Variants in TNFAIP8 observed in about 807,000 individuals in gnomAD.
TNFAIP8 encodes tumor necrosis factor alpha-induced protein 8.
Under a neutral mutation model 13.3 loss-of-function variants are expected in TNFAIP8, and 7 were observed. The observed-to-expected ratio is 0.52, with a 90% CI of 0.30 to 0.99. The LOEUF (loss-of-function observed/expected upper bound fraction) is 0.99, where lower values mean the gene tolerates loss of function less well. TNFAIP8 is among the 50% of genes least tolerant of loss of function. TNFAIP8 has a pLI of 0.07. For missense variants in TNFAIP8, 258 were observed against 236.9 expected (o/e 1.09, Z -0.58); for synonymous variants, 94 against 87.6 (o/e 1.07, Z -0.41).
At chr5:119,326,826 A>G (rs760910310) in intron 1 of TNFAIP8, among the ~76,000 whole-genome samples, 1 of 152,136 alleles carries the variant, frequency 6.6e-6, no homozygotes, top group Non-Finnish European at 1.5e-5. Context: ...TGAGCCAGAG[A>G]GTTTTAGTTT....
rs1217126967 is a variant in TNFAIP8, at chr5:119,399,275, A to C, written c.*5894A>C. 1.3e-5 allele frequency: 2 copies of C among 152,178 alleles called. No individual in the cohort carries two copies. Among genetic ancestry groups the C allele is most frequent in the Non-Finnish European group, 2.9e-5 (2 of 68,040 alleles). 9.4% of individuals were successfully genotyped at this position (152,178 alleles called of 1,614,324 possible). A position where few individuals can be genotyped will look rare whatever the true frequency, so the allele number is the denominator to read the frequency against. ...GCAGGGTACAGAGGGCATTTGTGGG[A>C]GCAGTTAGGAAACCAGGACGTCCAG... On this transcript the variant is annotated 3_prime_UTR_variant, in exon 2 of 2. Coordinates refer to ENST00000504771, the MANE Select transcript of TNFAIP8 (RefSeq NM_014350.4).
At chr5:119,363,535 C>T (rs1751710367) in intron 1 of TNFAIP8, among the ~76,000 whole-genome samples, 1 of 152,182 alleles carries the variant, frequency 6.6e-6, no homozygotes, top group Non-Finnish European at 1.5e-5. Flanking sequence ...AGGCCTCTTC[C>T]TGTGGCATCA....
intron 1 of TNFAIP8, among the ~76,000 whole-genome samples, chr5:119,350,765 AGG>A (rs1489599852): frequency 6.6e-6 from 1 of 152,154 alleles, no homozygotes; most frequent in Non-Finnish European, 1.5e-5. Flanking sequence ...GGGCAGACTG[AGG>A]AGAGGGATTA....
intron 1 of TNFAIP8, chr5:119,333,492 G>T (rs1332689071): frequency 4.8e-6 from 7 of 1,460,696 alleles, no homozygotes; most frequent in Non-Finnish European, 6.3e-6. Context: ...GAAGGACTGA[G>T]TCTCCCCGAG....
At chr5:119,343,927 CAA>C (rs1011854153) in intron 1 of TNFAIP8, among the ~76,000 whole-genome samples, 4 of 152,182 alleles carry the variant, frequency 2.6e-5, no homozygotes, top group African/African-American at 9.7e-5. Context: ...TTAATGAAAA[CAA>C]GTGTCAAAAA....
intron 1 of TNFAIP8, among the ~76,000 whole-genome samples, chr5:119,343,078 C>T (rs1056046151): frequency 6.6e-6 from 1 of 152,202 alleles, no homozygotes; most frequent in African/African-American, 2.4e-5. Context: ...ATGCCATCAA[C>T]TGAAATGGAA....
At chr5:119,374,376 A>G (rs1752201344) in intron 1 of TNFAIP8, among the ~76,000 whole-genome samples, 1 of 152,322 alleles carries the variant, frequency 6.6e-6, no homozygotes. Flanking sequence ...GAGATGCTCA[A>G]CCTGTACCGA....
chr5:119,385,132 T>G (rs1222823426), intron 1 of TNFAIP8, among the ~76,000 whole-genome samples: 1 of 152,204 alleles, frequency 6.6e-6, no homozygotes, highest in Non-Finnish European at 1.5e-5. Context: ...CTTTTCAGAT[T>G]TATAAGTCAT....
chr5:119,327,503 G>A (rs1750257959), intron 1 of TNFAIP8, among the ~76,000 whole-genome samples: 1 of 152,168 alleles, frequency 6.6e-6, no homozygotes, highest in Non-Finnish European at 1.5e-5. Flanking sequence ...CTGTTACCCA[G>A]GCTAGAGTGC....
Position 119,390,985 on chromosome 5 carries a change from A to ATTTT in TNFAIP8, c.32-1818_32-1815dup, listed in dbSNP as rs11448031. On this transcript the variant is annotated intron_variant, in intron 1 of 1. Transcript: ENST00000504771. Reference sequence around the variant, plus strand: ...AGGTGCATGCCACCACACCTGGCTAATTTTTTTTTTTTTTTTGTAGTTTTT... The same window carrying ATTTT: ...AGGTGCATGCCACCACACCTGGCTAATTTTTTTTTTTTTTTTTTTTGTAGTTTTT... Among the ~76,000 whole-genome samples, 329 of 137,526 alleles carry ATTTT rather than the reference A, an allele frequency of 2.4e-3. 2 individuals are homozygous for ATTTT. The highest frequency in any genetic ancestry group is 4.9e-3 in the Admixed American group (68 of 13,842). 90.2% of individuals were successfully genotyped at this position (137,526 alleles called of 152,430 possible).
At chr5:119,383,454 T>C (rs1026081371) in intron 1 of TNFAIP8, among the ~76,000 whole-genome samples, 18 of 152,238 alleles carry the variant, frequency 1.2e-4, no homozygotes, top group African/African-American at 4.3e-4. Flanking sequence ...CATCACTTAC[T>C]GAAGGATCCT....
chr5:119,292,643 AGCAT>A (rs1174037174), intron 1 of TNFAIP8, among the ~76,000 whole-genome samples: 22 of 48,018 alleles, frequency 4.6e-4, no homozygotes, highest in African/African-American at 1.2e-3. Context: ...TAATCAATGT[AGCAT>A]ATATATATAT....
chr5:119,325,497 G>C (rs1344810783), intron 1 of TNFAIP8, among the ~76,000 whole-genome samples: 2 of 152,138 alleles, frequency 1.3e-5, no homozygotes, highest in African/African-American at 4.8e-5. Context: ...GCCCAGGCTG[G>C]AGTGTAGTGG....
chr5:119,356,065 C>A lies in TNFAIP8; in HGVS notation c.-26C>A. On this transcript the variant is annotated 5_prime_UTR_variant, in exon 1 of 2. Transcript: ENST00000504771. ...TCCGAGTACATGTGAGCGGTAATCGCCCCTGCAGCTGGTTATCCTGACATT... is the reference window on the plus strand; with the variant it reads ...TCCGAGTACATGTGAGCGGTAATCGACCCTGCAGCTGGTTATCCTGACATT... 6.4e-7 allele frequency: 1 copy of A among 1,571,942 alleles called. No homozygotes were observed. Among genetic ancestry groups the A allele is most frequent in the African/African-American group, 1.4e-5 (1 of 73,636 alleles).
intron 1 of TNFAIP8, among the ~76,000 whole-genome samples, chr5:119,361,234 C>G (rs1751622793): frequency 2.2e-5 from 2 of 92,570 alleles, no homozygotes; most frequent in Admixed American, 1.0e-4. Context: ...CAGCGCACTG[C>G]CCCCCCAGCC....
chr5:119,305,978 G>T (rs919095718), intron 1 of TNFAIP8, among the ~76,000 whole-genome samples: 21 of 152,192 alleles, frequency 1.4e-4, no homozygotes, highest in African/African-American at 5.1e-4. Context: ...GTTGCGTGTG[G>T]TTGGCCTTGT....
In TNFAIP8 at chr5:119,388,629, T is replaced by TC. The variant is rs1342751339; in HGVS notation, c.32-4187_32-4186insC. Reference sequence around the variant, plus strand: ...CAAAGAACTTACATGAAGCATCTTTTTTTTTCTTTTCTTTTCTTTTCTTTT... The same window carrying TC: ...CAAAGAACTTACATGAAGCATCTTTTCTTTTTCTTTTCTTTTCTTTTCTTTT... On this transcript the variant is annotated intron_variant, in intron 1 of 1. Transcript: ENST00000504771. Among the ~76,000 whole-genome samples the TC allele has an allele frequency of 9.1e-4, 135 of 149,168 alleles. 1 individual carries two copies. In the East Asian group the frequency reaches 0.018, roughly 20 times the overall value.
chr5:119,286,507 A>G (rs1445067951), intron 1 of TNFAIP8, among the ~76,000 whole-genome samples: 1 of 151,926 alleles, frequency 6.6e-6, no homozygotes, highest in East Asian at 1.9e-4. Context: ...CTGTAATTCC[A>G]GCTACTCTGG....
chr5:119,370,105 G>GT (rs1752017065), intron 1 of TNFAIP8, among the ~76,000 whole-genome samples: 1 of 151,958 alleles, frequency 6.6e-6, no homozygotes, highest in African/African-American at 2.4e-5. Flanking sequence ...TTTTTTTATT[G>GT]TTTTTTAAAT....
Sources: gnomAD v4.1 joint callset for allele counts (sites outside exome capture counted in the v4.1 genomes callset) on GRCh38, gnomAD v4.1.1 for gene constraint, MANE v1.5 for transcripts, NCBI Gene and HGNC (gene_info 2026-07-23, HGNC 2026-07-21) for gene names.